Variants in CD109 observed in about 807,000 individuals in gnomAD.
CD109 encodes CD109 antigen.
In CD109, 149 loss-of-function variants were observed where a neutral mutation model predicts 165.8. The ratio of observed to expected loss-of-function variants is 0.90; its 90% CI spans 0.79 to 1.03. The LOEUF is 1.03. Ranked by LOEUF, CD109 falls within the 50% of genes least tolerant of loss-of-function variation. The probability of loss-of-function intolerance (pLI) is 0.00; values close to 1 mark genes in which losing one functional copy is unlikely to be tolerated. For synonymous variants in CD109, 585 were observed against 592.1 expected (o/e 0.99, Z 0.18); for missense variants, 1,712 against 1,677.8 (o/e 1.02, Z -0.36).
chr6:73,766,787 T>A lies in CD109; in HGVS notation c.1361T>A (p.Met454Lys), dbSNP rs762719367. The A allele has an allele frequency of 2.5e-6, 4 of 1,612,920 alleles. No homozygotes were observed. In the East Asian group the frequency reaches 8.9e-5, roughly 36 times the overall value. ...TATTTCCTTGGTAGTAAAAGTAGCA[T>A]GGCAGTTCATAGTCTGTTTAAGTCT... ...KAYFLGSKSS[M>K]AVHSLFKSPS... Residue 454 changes from methionine (M) to lysine (K), a missense_variant, in exon 12 of 33, where the codon ATG becomes AAG. Met to Lys is a moderately conservative substitution (Grantham distance 95, BLOSUM62 -1). Coordinates refer to ENST00000287097, the MANE Select transcript of CD109 (RefSeq NM_133493.5).
chr6:73,747,256 AAAAAC>A (rs1773016511), intron 5 of CD109, among the ~76,000 whole-genome samples: 1 of 152,132 alleles, frequency 6.6e-6, no homozygotes, highest in Non-Finnish European at 1.5e-5. Context: ...TTCTCATTGA[AAAAAC>A]AAAAAATATA....
chr6:73,742,305 T>C (rs1772818764), intron 5 of CD109, among the ~76,000 whole-genome samples: 1 of 152,166 alleles, frequency 6.6e-6, no homozygotes, highest in Non-Finnish European at 1.5e-5. Flanking sequence ...CATAATGTTA[T>C]TATGGCTCAC....
chr6:73,751,873 T>C (rs1773203083), intron 5 of CD109, among the ~76,000 whole-genome samples: 1 of 152,218 alleles, frequency 6.6e-6, no homozygotes, highest in Non-Finnish European at 1.5e-5. Flanking sequence ...GGTGATGGGT[T>C]AAGAGTTACA....
chr6:73,712,854 A>T (rs973352758), intron 2 of CD109, among the ~76,000 whole-genome samples: 2 of 152,228 alleles, frequency 1.3e-5, no homozygotes, highest in Non-Finnish European at 2.9e-5. Flanking sequence ...AAAGTTATCT[A>T]TAAAAACACT....
At chr6:73,728,238 T>G (rs1286975534) in intron 3 of CD109, among the ~76,000 whole-genome samples, 1 of 152,138 alleles carries the variant, frequency 6.6e-6, no homozygotes. Flanking sequence ...GGAGAATCGC[T>G]TGAACCCAAG....
At chr6:73,808,025 T>C in intron 25 of CD109, 58 bp from the exon 26 acceptor site, 1 of 1,486,192 alleles carries the variant, frequency 6.7e-7, no homozygotes, top group Non-Finnish European at 9.2e-7. Context: ...ACTTTTTGTT[T>C]CAGTATGTGG....
chr6:73,712,388 A>G (rs890652783), intron 2 of CD109, among the ~76,000 whole-genome samples: 3 of 152,256 alleles, frequency 2.0e-5, no homozygotes, highest in Non-Finnish European at 4.4e-5. Flanking sequence ...TTATTATTGC[A>G]TAAGACTGAG....
chr6:73,685,735 T>C, the CD109 span, among the ~76,000 whole-genome samples: 1 of 152,208 alleles, frequency 6.6e-6, no homozygotes, highest in Non-Finnish European at 1.5e-5. Context: ...AAGTCCATTA[T>C]ATCATTCTTA....
rs747420072 is a variant in CD109 at position 73,787,238 on chromosome 6, A to C, written c.2342A>C (p.Lys781Thr). The change falls in exon 21 of 33, where the codon AAG becomes ACG. Residue 781 changes from lysine (K) to threonine (T), a missense_variant. Transcript: ENST00000287097. ...FNYLKDATEVKVIIEKSDKFD... is the reference protein window; with the variant it reads ...FNYLKDATEVTVIIEKSDKFD... ...TGATTTATTTTTTTCTTTCAGGTTAAGGTAATCATTGAGAAAAGTGACAAA... is the reference window on the plus strand; with the variant it reads ...TGATTTATTTTTTTCTTTCAGGTTACGGTAATCATTGAGAAAAGTGACAAA... 1 of 1,598,686 alleles carries C rather than the reference A, an allele frequency of 6.3e-7. No homozygotes were observed. Among genetic ancestry groups the C allele is most frequent in the Non-Finnish European group, 8.6e-7 (1 of 1,166,494 alleles).
chr6:73,751,699 A>G (rs573518703), intron 5 of CD109, among the ~76,000 whole-genome samples: 6 of 152,132 alleles, frequency 3.9e-5, no homozygotes, highest in Non-Finnish European at 5.9e-5. Flanking sequence ...ACACATACCT[A>G]GTTGTCTGCA....
intron 2 of CD109, among the ~76,000 whole-genome samples, chr6:73,713,745 C>T (rs1319492172): frequency 6.6e-6 from 1 of 152,218 alleles, no homozygotes; most frequent in Admixed American, 6.5e-5. Context: ...AAAAACACTT[C>T]TACTATGAAA....
At chr6:73,791,644 G>C (rs957385468) in intron 22 of CD109, among the ~76,000 whole-genome samples, 4 of 152,100 alleles carry the variant, frequency 2.6e-5, no homozygotes, top group Non-Finnish European at 5.9e-5. Flanking sequence ...TTGTTTTAAA[G>C]ACCTATTTTG....
chr6:73,808,300 T>C, intron 26 of CD109, 52 bp downstream of exon 26: 1 of 1,546,440 alleles, frequency 6.5e-7, no homozygotes, highest in Non-Finnish European at 8.7e-7. Context: ...ATATATAACT[T>C]ACATGAGAAA....
chr6:73,733,733 T>G (rs1582076703), intron 4 of CD109, among the ~76,000 whole-genome samples: 1 of 152,310 alleles, frequency 6.6e-6, no homozygotes, highest in East Asian at 1.9e-4. Context: ...GGAGCAGTGG[T>G]GGCTAACTCA....
intron 23 of CD109, among the ~76,000 whole-genome samples, chr6:73,797,889 T>C (rs1185300119): frequency 6.6e-6 from 1 of 152,200 alleles, no homozygotes; most frequent in Non-Finnish European, 1.5e-5. Flanking sequence ...TTCAGAAGTC[T>C]ATGAAAGTTC....
intron 5 of CD109, among the ~76,000 whole-genome samples, chr6:73,746,185 G>A (rs1360049213): frequency 2.0e-5 from 3 of 152,160 alleles, no homozygotes; most frequent in Non-Finnish European, 4.4e-5. Flanking sequence ...AGAATTTGAC[G>A]TTTGTGTGGT....
chr6:73,772,745 T>C (rs995225192), intron 15 of CD109, among the ~76,000 whole-genome samples: 2 of 152,050 alleles, frequency 1.3e-5, no homozygotes, highest in Non-Finnish European at 2.9e-5. Flanking sequence ...TTTTTGTCTA[T>C]TAATGGATTC....
the CD109 span, among the ~76,000 whole-genome samples, chr6:73,681,826 C>T: frequency 6.6e-6 from 1 of 152,080 alleles, no homozygotes; most frequent in African/African-American, 2.4e-5. Flanking sequence ...TGAGGTCAAA[C>T]TCCTGACCTC....
chr6:73,766,735 C>T lies in CD109; in HGVS notation c.1333-24C>T. 2.6e-6 allele frequency: 4 copies of T among 1,516,444 alleles called. No individual in the cohort carries two copies. In the South Asian group the frequency reaches 3.5e-5, roughly 13 times the overall value. The allele number at this position is 1,516,444 out of a possible 1,614,324, so 93.9% of individuals were successfully genotyped here. ...AGGTGTTACTAAAGATGAACATTTA[C>T]AGCTCCTTTTTCTTTTATTATAGGC... On this transcript the variant is annotated intron_variant, in intron 11 of 32. Transcript: ENST00000287097.
Sources: allele counts gnomAD v4.1 joint callset (sites outside exome capture counted in the v4.1 genomes callset), GRCh38; gene constraint gnomAD v4.1.1; transcripts MANE v1.5; gene names NCBI Gene and HGNC (gene_info 2026-07-23, HGNC 2026-07-21).